The following COP1 variants were observed in gnomAD, a reference collection of about 807,000 sequenced individuals.
COP1 encodes E3 ubiquitin-protein ligase COP1.
COP1 carries 24 observed loss-of-function variants against 101.3 expected under a neutral mutation model. The ratio of observed to expected loss-of-function variants is 0.24; its 90% CI spans 0.17 to 0.33. COP1 has a LOEUF of 0.33. Ranked by LOEUF, COP1 falls within the 10% of genes least tolerant of loss-of-function variation. The pLI is 1.00. For synonymous variants in COP1, 347 were observed against 341.9 expected, an observed-to-expected ratio of 1.01 and a Z score of -0.17; for missense variants, 663 against 906.2, an observed-to-expected ratio of 0.73 and a Z score of 3.45.
intron 11 of COP1, among the ~76,000 whole-genome samples, chr1:176,066,048 A>G (rs1675905811): frequency 6.6e-6 from 1 of 152,146 alleles, no homozygotes; most frequent in Non-Finnish European, 1.5e-5. Context: ...TTTTATCACA[A>G]GATGAGATGG....
chr1:176,086,448 G>C (rs573034844), intron 9 of COP1, among the ~76,000 whole-genome samples: 2 of 151,960 alleles, frequency 1.3e-5, no homozygotes, highest in Admixed American at 6.6e-5. Context: ...GGATGGTCTC[G>C]ATCTCCTGAC....
chr1:175,980,437 T>TA (rs1655567353), intron 18 of COP1, among the ~76,000 whole-genome samples: 1 of 150,128 alleles, frequency 6.7e-6, no homozygotes, highest in African/African-American at 2.4e-5. Flanking sequence ...TGTTAGAAAT[T>TA]AGAGAGAATA....
intron 15 of COP1, among the ~76,000 whole-genome samples, chr1:176,026,075 AT>A (rs1226809454): frequency 6.6e-6 from 1 of 152,102 alleles, no homozygotes; most frequent in Non-Finnish European, 1.5e-5. Flanking sequence ...TACATGGAAA[AT>A]TAAATGAGAA....
chr1:175,961,772 T>C (rs1651392219), intron 18 of COP1, among the ~76,000 whole-genome samples: 1 of 151,588 alleles, frequency 6.6e-6, no homozygotes, highest in African/African-American at 2.4e-5. Context: ...AGAGTGATCC[T>C]TTACTTGGAA....
Position 176,207,270 on chromosome 1 carries a change from TGCGC to T in COP1, c.-296_-293del. The T allele has an allele frequency of 2.6e-6, 1 of 386,502 alleles. No individual in the cohort carries two copies. Among genetic ancestry groups the T allele is most frequent in the Non-Finnish European group, 4.6e-6 (1 of 218,304 alleles). 23.9% of individuals were successfully genotyped at this position (386,502 alleles called of 1,614,324 possible). A position where few individuals can be genotyped will look rare whatever the true frequency, so the allele number is the denominator to read the frequency against. The stretch of plus-strand genomic sequence containing the variant: ...AACCCCGGCGCGCCGTGGCCGGCCG[TGCGC>T]GCGCGCGCGAGCGGCGGAAGAGGCG... On this transcript the variant is annotated 5_prime_UTR_variant, in exon 1 of 20. Coordinates refer to ENST00000367669, the MANE Select transcript of COP1 (RefSeq NM_022457.7).
chr1:176,126,938 A>C (rs1051880317), intron 8 of COP1, among the ~76,000 whole-genome samples: 9 of 152,248 alleles, frequency 5.9e-5, no homozygotes, highest in Admixed American at 3.9e-4. Context: ...GGAATCAAAA[A>C]GTCTATTTAC....
intron 3 of COP1, among the ~76,000 whole-genome samples, chr1:176,174,055 T>C (rs1311039701): frequency 6.9e-6 from 1 of 144,556 alleles, no homozygotes; most frequent in Non-Finnish European, 1.5e-5. Flanking sequence ...TAAGTGGCAG[T>C]ATATTTTTAT....
Position 176,043,180 on chromosome 1 carries a change from C to T in COP1, c.1612+6G>A. 1.3e-6 allele frequency: 2 copies of T among 1,588,790 alleles called. No individual in the cohort carries two copies. Among genetic ancestry groups the T allele is most frequent in the Non-Finnish European group, 1.7e-6 (2 of 1,157,152 alleles). ...GGAGGTGCTGAGAAAGAGATTCAAA[C>T]AGTACCTTTTGCATCATCAGAACCT... On this transcript the variant is annotated splice_donor_region_variant and intron_variant, in intron 14 of 19. Coordinates refer to ENST00000367669, the MANE Select transcript of COP1 (RefSeq NM_022457.7).
At chr1:176,181,117 G>A (rs541040543) in intron 2 of COP1, among the ~76,000 whole-genome samples, 1 of 152,226 alleles carries the variant, frequency 6.6e-6, no homozygotes, top group Non-Finnish European at 1.5e-5. Flanking sequence ...TACAGATACA[G>A]GTAACAGTGG....
chr1:176,188,707 C>G (rs1041256714), intron 1 of COP1, among the ~76,000 whole-genome samples: 2 of 151,870 alleles, frequency 1.3e-5, no homozygotes, highest in South Asian at 4.1e-4. Flanking sequence ...TTTGGGGAGC[C>G]ACAAATTGCA....
intron 10 of COP1, among the ~76,000 whole-genome samples, chr1:176,082,834 G>A (rs1002745526): frequency 6.6e-6 from 1 of 151,524 alleles, no homozygotes; most frequent in South Asian, 2.1e-4. Flanking sequence ...AAAAAAGAAA[G>A]AAGAAAAATA....
At chr1:176,173,390 C>CT (rs1696414026) in intron 3 of COP1, among the ~76,000 whole-genome samples, 1 of 147,426 alleles carries the variant, frequency 6.8e-6, no homozygotes, top group Admixed American at 6.8e-5. Context: ...AATCCCGACA[C>CT]TTTAAGAAGC....
At chr1:175,993,094 G>A (rs1054921063) in intron 15 of COP1, among the ~76,000 whole-genome samples, 15 of 152,254 alleles carry the variant, frequency 9.9e-5, no homozygotes, top group Non-Finnish European at 1.5e-4. Flanking sequence ...ACGAAAAGCC[G>A]CTGTTCTGCA....
intron 14 of COP1, among the ~76,000 whole-genome samples, chr1:176,030,971 A>G (rs535822785): frequency 4.1e-4 from 63 of 152,298 alleles, no homozygotes; most frequent in South Asian, 1.5e-3. Context: ...AGTGAGAAGA[A>G]GGCCATGTGT....
intron 3 of COP1, among the ~76,000 whole-genome samples, chr1:176,167,516 TTAAGA>T (rs1695326111): frequency 6.6e-6 from 1 of 151,862 alleles, no homozygotes; most frequent in Non-Finnish European, 1.5e-5. Context: ...ACATTTCCAA[TTAAGA>T]TAAGCCTTAA....
intron 18 of COP1, among the ~76,000 whole-genome samples, chr1:175,984,336 A>G (rs1656592825): frequency 1.3e-5 from 2 of 152,366 alleles, no homozygotes; most frequent in Non-Finnish European, 2.9e-5. Context: ...AGAGGGTGCA[A>G]GCCCAAAGCC....
chr1:176,023,563 A>C (rs764669929), intron 15 of COP1, among the ~76,000 whole-genome samples: 2 of 152,092 alleles, frequency 1.3e-5, no homozygotes, highest in Admixed American at 1.3e-4. Context: ...TACTAAAAAT[A>C]CAAAATTAGC....
intron 9 of COP1, among the ~76,000 whole-genome samples, chr1:176,104,787 G>A (rs2149523123): frequency 1.3e-5 from 2 of 152,134 alleles, no homozygotes; most frequent in South Asian, 4.1e-4. Context: ...CCCACTTCTA[G>A]GTATTTACAC....
chr1:176,160,097 A>G (rs191825891), intron 5 of COP1, among the ~76,000 whole-genome samples: 137 of 152,188 alleles, frequency 9.0e-4, no homozygotes, highest in African/African-American at 3.2e-3. Flanking sequence ...AAATAATAGG[A>G]AAGAATCTGT....
Sources: gnomAD v4.1 joint callset for allele counts (sites outside exome capture counted in the v4.1 genomes callset) on GRCh38, gnomAD v4.1.1 for gene constraint, MANE v1.5 for transcripts, NCBI Gene and HGNC (gene_info 2026-07-23, HGNC 2026-07-21) for gene names.